The following PLAGL1 variants were observed in gnomAD, a reference collection of about 807,000 sequenced individuals.
The protein encoded by PLAGL1 is PLAG1 like zinc finger 1.
A neutral mutation model predicts 4.6 loss-of-function variants in PLAGL1; 1 was observed. The observed-to-expected ratio is 0.22, with a 90% CI of 0.08 to 1.03. The LOEUF (loss-of-function observed/expected upper bound fraction) is 1.03, where lower values mean the gene tolerates loss of function less well. Among genes scored for constraint, PLAGL1 ranks in the 50% least tolerant of loss-of-function variants. The pLI is 0.58. For missense variants in PLAGL1, 464 were observed against 570.4 expected, an observed-to-expected ratio of 0.81 and a Z score of 1.90; for synonymous variants, 240 against 237.8, an observed-to-expected ratio of 1.01 and a Z score of -0.08.
chr6:143,951,913 TTCTTCAGAGAG>T (rs1192325511), intron 6 of PLAGL1, among the ~76,000 whole-genome samples: 2 of 152,242 alleles, frequency 1.3e-5, no homozygotes, highest in African/African-American at 4.8e-5. Flanking sequence ...ATTCTTTAAT[TTCTTCAGAGAG>T]TCCTTAATGA....
intron 1 of PLAGL1, among the ~76,000 whole-genome samples, chr6:144,051,011 A>C (rs1005522970): frequency 6.6e-6 from 1 of 152,224 alleles, no homozygotes; most frequent in Non-Finnish European, 1.5e-5. Flanking sequence ...TGTAAAAATA[A>C]AATCTTAAAT....
intron 2 of PLAGL1, among the ~76,000 whole-genome samples, chr6:143,969,770 A>T (rs1342453072): frequency 6.6e-6 from 1 of 151,794 alleles, no homozygotes; most frequent in East Asian, 1.9e-4. Context: ...AAAAGGCAAA[A>T]TATGGGGGAA....
intron 1 of PLAGL1, among the ~76,000 whole-genome samples, chr6:144,042,267 G>A (rs1041406927): frequency 1.3e-5 from 2 of 152,114 alleles, no homozygotes; most frequent in Non-Finnish European, 2.9e-5. Flanking sequence ...TGTCCTGAAT[G>A]TACTGCCTAG....
rs1788275248 is a variant in PLAGL1, at chr6:143,982,928, T to G, written c.-544+2207A>C. On this transcript the variant is annotated intron_variant, in intron 2 of 7. Transcript: ENST00000674357. The surrounding 1 kb of genome is among the most constrained non-coding windows in gnomAD (Gnocchi z 5.3). ...AGCAATTGGATATTTTAATCTGGAG[T>G]TTAGAGAAGAGGTCCATACTGGAGA... Among the ~76,000 whole-genome samples, 1 of 152,098 alleles carries G rather than the reference T, an allele frequency of 6.6e-6. No individual in the cohort carries two copies. Among genetic ancestry groups the G allele is most frequent in the African/African-American group, 2.4e-5 (1 of 41,406 alleles).
chr6:144,033,917 A>C (rs1459542575), intron 1 of PLAGL1, among the ~76,000 whole-genome samples: 1 of 152,380 alleles, frequency 6.6e-6, no homozygotes, highest in Middle Eastern at 3.4e-3. Context: ...AGACTTGAAC[A>C]TAAAAGCAGC....
intron 7 of PLAGL1, among the ~76,000 whole-genome samples, chr6:143,943,472 AC>A (rs145317776): frequency 0.012 from 1,775 of 152,110 alleles, 39 homozygotes; most frequent in African/African-American, 0.041. Context: ...GTCTAATAGG[AC>A]CCTGAACATC....
chr6:144,024,232 T>C (rs1796178900), intron 1 of PLAGL1, among the ~76,000 whole-genome samples: 1 of 152,200 alleles, frequency 6.6e-6, no homozygotes, highest in Admixed American at 6.5e-5. Flanking sequence ...CAGATTTTCA[T>C]GTCTAATATT....
At chr6:144,046,262 G>A (rs543685736) in intron 1 of PLAGL1, among the ~76,000 whole-genome samples, 6 of 152,264 alleles carry the variant, frequency 3.9e-5, no homozygotes, top group Admixed American at 3.3e-4. Context: ...AGGAGAAAAG[G>A]TGCTCTGGTT....
rs1432936760 is a variant in PLAGL1 at position 144,055,573 on chromosome 6, AG to A, written c.-151+8894del. Among the ~76,000 whole-genome samples the A allele has an allele frequency of 6.6e-6, 1 of 152,082 alleles. No homozygotes were observed. Among genetic ancestry groups the A allele is most frequent in the African/African-American group, 2.4e-5 (1 of 41,380 alleles). On this transcript the variant is annotated intron_variant, in intron 1 of 3. Transcript: ENST00000437412. The surrounding 1 kb of genome is among the most constrained non-coding windows in gnomAD (Gnocchi z 5.0). ...CTCCTCCCTCCAGTCTCATCTCAAC[AG>A]TCTCTTCCATTGATGGCCCTTGTGC...
intron 1 of PLAGL1, among the ~76,000 whole-genome samples, chr6:144,035,211 A>G (rs1336359102): frequency 1.3e-5 from 2 of 152,224 alleles, no homozygotes; most frequent in African/African-American, 4.8e-5. Flanking sequence ...GTGAAGTCAT[A>G]CAATAGGCCT....
chr6:143,982,682 G>A lies in PLAGL1; in HGVS notation c.-544+2453C>T, dbSNP rs1427693669. 6.6e-6 allele frequency among the ~76,000 whole-genome samples: 1 copy of A among 152,146 alleles called. No individual in the cohort carries two copies. ...AGAAGTGGTCACCTTCTGGATTTAT[G>A]GAAGGTGGGGCTGACAGTATCTCCT... On this transcript the variant is annotated intron_variant, in intron 2 of 7. Transcript: ENST00000674357. This position sits in a 1 kb window ranked among gnomAD's most constrained non-coding sequence, Gnocchi z 5.3.
At position 144,050,250 on chromosome 6, in the gene PLAGL1, A is replaced by C. The variant is rs1018344763; in HGVS notation, c.-151+14218T>G. Among the ~76,000 whole-genome samples the C allele has an allele frequency of 9.9e-5, 15 of 152,206 alleles. No individual in the cohort carries two copies. The highest frequency in any genetic ancestry group is 3.6e-4 in the African/African-American group (15 of 41,448). ...TCCAGGACAATACACCCACTGTGTG[A>C]CATGCTAGGGGCAACCTCCTGTGCT... is the stretch of plus-strand genomic sequence containing the variant. On this transcript the variant is annotated intron_variant, in intron 1 of 3. Coordinates refer to the PLAGL1 transcript ENST00000437412. The surrounding 1 kb of genome is among the most constrained non-coding windows in gnomAD (Gnocchi z 4.3).
chr6:144,025,480 T>G (rs1188446745), intron 1 of PLAGL1, among the ~76,000 whole-genome samples: 1 of 152,196 alleles, frequency 6.6e-6, no homozygotes, highest in Admixed American at 6.5e-5. Flanking sequence ...ACCATAGAAA[T>G]GTAAGATGTT....
chr6:144,014,511 A>G (rs1012268102), intron 1 of PLAGL1, among the ~76,000 whole-genome samples: 1 of 152,184 alleles, frequency 6.6e-6, no homozygotes, highest in Non-Finnish European at 1.5e-5. Context: ...ACAGCAGGGT[A>G]CTGACATAAG....
rs1562365871 is a variant in PLAGL1 at position 143,941,959 on chromosome 6, T to G, written c.857A>C (p.His286Pro). The G allele has an allele frequency of 6.3e-7, 1 of 1,598,930 alleles. No homozygotes were observed. Among genetic ancestry groups the G allele is most frequent in the African/African-American group, 1.3e-5 (1 of 74,320 alleles). The stretch of plus-strand genomic sequence containing the variant: ...AGGAGAGCCAGGGGATACCGAGGGG[T>G]GGAGGGAGGCCAGGGACTCTGGCAG... The part of the protein sequence containing the change: ...QPLPESLASL[H>P]PSVSPGSPPP... Residue 286 changes from histidine to proline, a missense_variant, in exon 8 of 8, where the codon CAC (histidine) becomes CCC (proline). His to Pro is a moderately conservative substitution (Grantham distance 77). Transcript: ENST00000674357. The surrounding 1 kb of genome is among the most constrained non-coding windows in gnomAD (Gnocchi z 6.0).
At chr6:144,032,637 C>T (rs771603465) in intron 1 of PLAGL1, among the ~76,000 whole-genome samples, 9 of 152,186 alleles carry the variant, frequency 5.9e-5, no homozygotes, top group Non-Finnish European at 1.3e-4. Context: ...TCTCGGCTCA[C>T]TGCAACGTCC....
intron 1 of PLAGL1, among the ~76,000 whole-genome samples, chr6:143,993,615 CA>C (rs1203420593): frequency 1.3e-5 from 2 of 152,010 alleles, no homozygotes; most frequent in Non-Finnish European, 2.9e-5. Context: ...TGTCTCAGGA[CA>C]AGGATAGATA....
rs867898615 is a variant in PLAGL1, at chr6:144,050,770, G to A, written c.-151+13698C>T. On this transcript the variant is annotated intron_variant, in intron 1 of 3. Transcript: ENST00000437412. The surrounding 1 kb of genome is among the most constrained non-coding windows in gnomAD (Gnocchi z 4.3). ...AAGTAAATCAGGTGTGGTGGCACAT[G>A]CCTGTTGTCCCAGCTACTCAAGAGG... Among the ~76,000 whole-genome samples, 1 of 152,114 alleles carries A rather than the reference G, an allele frequency of 6.6e-6. No homozygotes were observed. Among genetic ancestry groups the A allele is most frequent in the South Asian group, 2.1e-4 (1 of 4,818 alleles).
In PLAGL1 at chr6:143,941,736, G is replaced by T; in HGVS notation, c.1080C>A (p.Asn360Lys). The T allele has an allele frequency of 1.2e-6, 2 of 1,614,218 alleles. No individual in the cohort carries two copies. Among genetic ancestry groups the T allele is most frequent in the Non-Finnish European group, 1.7e-6 (2 of 1,180,034 alleles). ...CATCTGCAGGCAGCTCCTTGGGCAG[G>T]TTTACTTTACCAGCATTTCCCTTAG... ...DLAKGNAGKV[N>K]LPKELPADAV... Residue 360 changes from asparagine (N) to lysine (K), a missense_variant, in exon 8 of 8, where the codon AAC (asparagine) becomes AAA (lysine). Asn to Lys is a moderately conservative substitution (Grantham distance 94, BLOSUM62 0). Around this residue, in one of 4 missense-constraint regions of PLAGL1, gnomAD observed 248 missense variants for 250.1 expected, o/e 0.99. Transcript: ENST00000674357. The surrounding 1 kb of genome is among the most constrained non-coding windows in gnomAD (Gnocchi z 6.0).
Sources: gnomAD v4.1 joint callset for allele counts (sites outside exome capture counted in the v4.1 genomes callset) on GRCh38, gnomAD v4.1.1 for gene constraint, gnomAD v4.1.1 regional missense constraint, Gnocchi (gnomAD v3.1) non-coding constraint, MANE v1.5 for transcripts, NCBI Gene and HGNC (gene_info 2026-07-23, HGNC 2026-07-21) for gene names.